EPB41: variants seen among roughly 807,000 people sequenced by gnomAD.
The protein encoded by EPB41 is erythrocyte membrane protein band 4.1, also known as protein 4.1.
EPB41 carries 65 observed loss-of-function variants against 108.0 expected under a neutral mutation model. The ratio of observed to expected loss-of-function variants is 0.60; its 90% CI spans 0.49 to 0.74. The LOEUF is 0.74. Ranked by LOEUF, EPB41 falls within the 30% of genes least tolerant of loss-of-function variation. The pLI is 0.00. For synonymous variants in EPB41, 336 were observed against 358.9 expected (o/e 0.94, Z 0.72); for missense variants, 875 against 1,037.0 (o/e 0.84, Z 2.15).
At chr1:28,927,318 T>C (rs1449142453) in intron 1 of EPB41, among the ~76,000 whole-genome samples, 2 of 152,234 alleles carry the variant, frequency 1.3e-5, no homozygotes, top group Non-Finnish European at 2.9e-5. Context: ...CTCTTTTTGA[T>C]TGAAACAGAG....
At chr1:29,095,439 G>A (rs1662858229) in intron 16 of EPB41, among the ~76,000 whole-genome samples, 2 of 152,316 alleles carry the variant, frequency 1.3e-5, no homozygotes, top group Non-Finnish European at 2.9e-5. Context: ...CAGGGCTAGT[G>A]TGAGGATACA....
chr1:29,097,610 A>G, intron 16 of EPB41, 197 bp from the exon 17 acceptor site: 1 of 621,120 alleles, frequency 1.6e-6, no homozygotes, highest in Middle Eastern at 4.4e-4. Context: ...GCTGCTTTTT[A>G]ATATCCCTCA....
chr1:29,110,000 C>G (rs1196960180), intron 18 of EPB41, among the ~76,000 whole-genome samples: 4 of 151,970 alleles, frequency 2.6e-5, no homozygotes, highest in Non-Finnish European at 5.9e-5. Context: ...CGCCACTGCA[C>G]TCCAGCCTGG....
Position 29,097,899 on chromosome 1 carries a change from C to T in EPB41, c.2277C>T (p.His759=). 1 of 1,614,016 alleles carries T rather than the reference C, an allele frequency of 6.2e-7. No individual in the cohort carries two copies. The highest frequency in any genetic ancestry group is 8.5e-7 in the Non-Finnish European group (1 of 1,179,880). ...EIPTKDVPIV[H]TETKTITYEA... is the part of the protein sequence containing the mutation. ...CAACCAAAGACGTCCCTATTGTCCA[C>T]ACTGAGACCAAGACCATCACTTATG... The change falls in exon 17 of 21, where the codon CAC becomes CAT. Residue 759 remains histidine, a synonymous_variant. Transcript: ENST00000343067.
Position 29,086,972 on chromosome 1 carries a change from T to A in EPB41, c.2185-10835T>A, listed in dbSNP as rs189264065. On this transcript the variant is annotated intron_variant, in intron 16 of 20. Transcript: ENST00000343067. ...TTTTTTTTTTTTTTTTGAGACAGAG[T>A]CTTGCTCTGTCGCCCAGGCTGGGGT... Among the ~76,000 whole-genome samples, 4 of 119,442 alleles carry A rather than the reference T, an allele frequency of 3.3e-5. No individual in the cohort carries two copies. In the Admixed American group the frequency reaches 4.7e-4, roughly 14 times the overall value. The allele number at this position is 119,442 out of a possible 152,430, so 78.4% of individuals were successfully genotyped here. A position where few individuals can be genotyped will look rare whatever the true frequency, so the allele number is the denominator to read the frequency against.
At chr1:28,916,373 C>T (rs995946524) in intron 1 of EPB41, among the ~76,000 whole-genome samples, 9 of 152,168 alleles carry the variant, frequency 5.9e-5, no homozygotes, top group East Asian at 1.9e-4. Flanking sequence ...CGGTGGCTCA[C>T]GCCTGTAATC....
chr1:29,104,297 C>A (rs1379808603), intron 17 of EPB41, among the ~76,000 whole-genome samples: 1 of 152,154 alleles, frequency 6.6e-6, no homozygotes, highest in Non-Finnish European at 1.5e-5. Flanking sequence ...GATAAGTAAG[C>A]CGGAGCACCA....
At chr1:29,048,883 A>G (rs1422575876) in intron 11 of EPB41, among the ~76,000 whole-genome samples, 3 of 152,112 alleles carry the variant, frequency 2.0e-5, no homozygotes, top group Non-Finnish European at 2.9e-5. Context: ...TTTGTACTAT[A>G]GTATAAAAAG....
intron 7 of EPB41, among the ~76,000 whole-genome samples, chr1:29,023,105 G>T (rs958848373): frequency 6.6e-6 from 1 of 151,380 alleles, no homozygotes; most frequent in Non-Finnish European, 1.5e-5. Context: ...AGTGATTCTC[G>T]TGCCTCAGCC....
intron 1 of EPB41, among the ~76,000 whole-genome samples, chr1:28,979,872 T>C (rs2095694972): frequency 1.3e-5 from 2 of 152,210 alleles, no homozygotes. Context: ...AGAAAATGGA[T>C]TTTGATTGAA....
intron 16 of EPB41, among the ~76,000 whole-genome samples, chr1:29,080,038 C>T (rs1320592817): frequency 6.6e-6 from 1 of 151,860 alleles, no homozygotes; most frequent in Non-Finnish European, 1.5e-5. Flanking sequence ...AGGAGAATTC[C>T]CCAATTCACA....
chr1:29,017,532 A>G (rs902873509), intron 6 of EPB41, among the ~76,000 whole-genome samples: 1 of 152,196 alleles, frequency 6.6e-6, no homozygotes, highest in East Asian at 1.9e-4. Flanking sequence ...GCAGTTCCCA[A>G]CAGTTTAGCA....
intron 11 of EPB41, among the ~76,000 whole-genome samples, chr1:29,040,592 ATTT>A (rs1641124618): frequency 6.6e-6 from 1 of 152,168 alleles, no homozygotes; most frequent in Admixed American, 6.5e-5. Context: ...TACAAGAATA[ATTT>A]AAAAAGAAGT....
chr1:29,096,494 G>A (rs1467753402), intron 16 of EPB41: 16 of 985,796 alleles, frequency 1.6e-5, no homozygotes, highest in Non-Finnish European at 1.2e-6. Context: ...AAAAAAGGCA[G>A]AGAGTAGTGA....
intron 1 of EPB41, among the ~76,000 whole-genome samples, chr1:28,889,592 C>T (rs1245191021): frequency 6.6e-6 from 1 of 152,262 alleles, no homozygotes; most frequent in Non-Finnish European, 1.5e-5. Flanking sequence ...TGGGCAGGAA[C>T]ATCCATCTGG....
intron 18 of EPB41, among the ~76,000 whole-genome samples, chr1:29,111,460 T>A (rs1397958700): frequency 2.0e-5 from 3 of 149,962 alleles, no homozygotes; most frequent in Admixed American, 1.3e-4. Context: ...GTCGAGACCA[T>A]CCTAGCTGAC....
intron 4 of EPB41, among the ~76,000 whole-genome samples, chr1:29,009,582 G>C (rs1439857079): frequency 2.6e-5 from 4 of 152,164 alleles, no homozygotes; most frequent in African/African-American, 9.7e-5. Context: ...AGTGGTAGTA[G>C]TTCTGGATTG....
At chr1:28,935,478 C>A (rs959921950) in intron 1 of EPB41, among the ~76,000 whole-genome samples, 20 of 123,860 alleles carry the variant, frequency 1.6e-4, no homozygotes, top group Admixed American at 1.5e-3. Context: ...CCCCCCCCCC[C>A]CCAAGATCTA....
chr1:29,007,099 A>ATT (rs199775551), intron 4 of EPB41, among the ~76,000 whole-genome samples: 3 of 147,816 alleles, frequency 2.0e-5, no homozygotes, highest in African/African-American at 4.9e-5. Flanking sequence ...TTACTGTATA[A>ATT]TTTTTTTTTT....
Sources: allele counts gnomAD v4.1 joint callset (sites outside exome capture counted in the v4.1 genomes callset), GRCh38; gene constraint gnomAD v4.1.1; transcripts MANE v1.5; gene names NCBI Gene and HGNC (gene_info 2026-07-23, HGNC 2026-07-21).